Variants in ATP10B observed in about 807,000 individuals in gnomAD.
The protein encoded by ATP10B is phospholipid-transporting ATPase VB.
In ATP10B, 122 loss-of-function variants were observed where a neutral mutation model predicts 141.2. The observed-to-expected ratio is 0.86, with a 90% confidence interval of 0.75 to 1.00. ATP10B has a LOEUF of 1.00. Ranked by LOEUF, ATP10B falls within the 50% of genes least tolerant of loss-of-function variation. The probability of loss-of-function intolerance (pLI) is 0.00; values close to 1 mark genes in which losing one functional copy is unlikely to be tolerated. For synonymous variants in ATP10B, 685 were observed against 692.0 expected, an observed-to-expected ratio of 0.99 and a Z score of 0.16; for missense variants, 1,876 against 1,825.3, an observed-to-expected ratio of 1.03 and a Z score of -0.51.
intron 7 of ATP10B, among the ~76,000 whole-genome samples, chr5:160,664,148 T>C (rs1762166037): frequency 6.6e-6 from 1 of 152,178 alleles, no homozygotes; most frequent in South Asian, 2.1e-4. Context: ...TAAGTTTCAT[T>C]CTTAAATGAA....
At chr5:160,733,045 T>C (rs747924621) in intron 2 of ATP10B, among the ~76,000 whole-genome samples, 2 of 152,172 alleles carry the variant, frequency 1.3e-5, no homozygotes, top group Non-Finnish European at 2.9e-5. Flanking sequence ...TTGCTTTGGG[T>C]ATTATGGATA....
intron 7 of ATP10B, among the ~76,000 whole-genome samples, chr5:160,660,913 G>A (rs1761865953): frequency 6.6e-6 from 1 of 152,228 alleles, no homozygotes; most frequent in African/African-American, 2.4e-5. Context: ...GGGGCTGGGT[G>A]CAGTGGCTCA....
chr5:160,794,405 A>T (rs879925165), intron 1 of ATP10B, among the ~76,000 whole-genome samples: 3 of 152,178 alleles, frequency 2.0e-5, no homozygotes, highest in Non-Finnish European at 4.4e-5. Context: ...TTTTCTTAGA[A>T]TTGCATTCCT....
intron 24 of ATP10B, among the ~76,000 whole-genome samples, chr5:160,584,680 A>G (rs1345871183): frequency 6.6e-6 from 1 of 152,184 alleles, no homozygotes; most frequent in Admixed American, 6.5e-5. Context: ...TAAATTACCT[A>G]CCTATTGAAT....
At chr5:160,772,491 C>T (rs981472060) in intron 2 of ATP10B, among the ~76,000 whole-genome samples, 2 of 152,138 alleles carry the variant, frequency 1.3e-5, no homozygotes, top group Non-Finnish European at 2.9e-5. Flanking sequence ...GCATCAGGTA[C>T]CAGTTCTGTG....
intron 21 of ATP10B, among the ~76,000 whole-genome samples, chr5:160,600,980 C>T (rs574908696): frequency 4.3e-4 from 65 of 152,178 alleles, no homozygotes; most frequent in African/African-American, 1.3e-3. Flanking sequence ...TGCTTGGAAA[C>T]GTTTTCTTTC....
intron 1 of ATP10B, among the ~76,000 whole-genome samples, chr5:160,847,266 T>C (rs985827070): frequency 1.6e-4 from 25 of 152,210 alleles, no homozygotes; most frequent in African/African-American, 6.0e-4. Context: ...TGGGATTCTA[T>C]AATAGTCAGT....
intron 8 of ATP10B, among the ~76,000 whole-genome samples, chr5:160,646,500 AAAGT>A (rs1228367192): frequency 2.0e-5 from 3 of 152,206 alleles, no homozygotes; most frequent in Non-Finnish European, 4.4e-5. Context: ...AATTTTGGAA[AAAGT>A]AAGGTAATTA....
rs528759757 is a variant in ATP10B at position 160,721,570 on chromosome 5, G to A, written c.-330-4536C>T. Among the ~76,000 whole-genome samples the A allele has an allele frequency of 1.4e-4, 21 of 152,294 alleles. No individual in the cohort carries two copies. The South Asian group carries it at 4.4e-3, about 32-fold the overall frequency. ...TCAGATGACTGGGAGACTGATGAGA[G>A]GAAAATGTGAGAGGCAGGTGGAAAA... On this transcript the variant is annotated intron_variant, in intron 2 of 25. Transcript: ENST00000327245.
Position 160,620,591 on chromosome 5 carries a change from C to T in ATP10B, c.2172G>A (p.Glu724=), listed in dbSNP as rs1455538574. 2 of 1,613,782 alleles carry T rather than the reference C, an allele frequency of 1.2e-6. No homozygotes were observed. ...EFCYEAESPD[E]AALVHAAHAY... ...CATGGGCAGCGTGCACCAGGGCGGC[C>T]TCATCAGGGCTCTCAGCCTCGTAAC... Residue 724 remains glutamate, a synonymous_variant, in exon 15 of 26, where the codon GAG becomes GAA. Coordinates refer to ENST00000327245, the MANE Select transcript of ATP10B (RefSeq NM_025153.3).
chr5:160,798,297 A>G (rs1581552501), intron 1 of ATP10B, among the ~76,000 whole-genome samples: 1 of 152,234 alleles, frequency 6.6e-6, no homozygotes, highest in Admixed American at 6.5e-5. Flanking sequence ...CCTAAAATTC[A>G]AGTCCACCTG....
chr5:160,697,163 T>A (rs1200212536), intron 3 of ATP10B, among the ~76,000 whole-genome samples: 7 of 152,216 alleles, frequency 4.6e-5, no homozygotes, highest in Non-Finnish European at 8.8e-5. Flanking sequence ...ATTATTAAAT[T>A]GATGACATTT....
chr5:160,923,816 T>G, the ATP10B span, among the ~76,000 whole-genome samples: 1 of 152,204 alleles, frequency 6.6e-6, no homozygotes, highest in African/African-American at 2.4e-5. Flanking sequence ...GCACTGAAAC[T>G]ATACTTTAAG....
intron 2 of ATP10B, among the ~76,000 whole-genome samples, chr5:160,724,214 C>G (rs1766178953): frequency 6.6e-6 from 1 of 150,622 alleles, no homozygotes; most frequent in Admixed American, 6.6e-5. Flanking sequence ...GTACCATGAA[C>G]CCCCATGACA....
rs115763623 is a variant in ATP10B at position 160,632,705 on chromosome 5, A to C, written c.1382-338T>G. 1,235 of 199,080 alleles carry C rather than the reference A, an allele frequency of 6.2e-3. 12 individuals are homozygous for C. Among genetic ancestry groups the C allele is most frequent in the African/African-American group, 0.027 (1,140 of 42,546 alleles). The allele number at this position is 199,080 out of a possible 1,614,324, so 12.3% of individuals were successfully genotyped here. ...GATACAATGTGTTAAAATAACTAGCATACTCTAAGTACTGGTAATGTGGCT... is the reference window on the plus strand; with the variant it reads ...GATACAATGTGTTAAAATAACTAGCCTACTCTAAGTACTGGTAATGTGGCT... On this transcript the variant is annotated intron_variant, in intron 12 of 25. Transcript: ENST00000327245.
intron 22 of ATP10B, among the ~76,000 whole-genome samples, chr5:160,593,125 G>GTGACCCC (rs1256420521): frequency 3.9e-5 from 6 of 152,144 alleles, no homozygotes; most frequent in African/African-American, 1.4e-4. Context: ...AAGTGGGTCC[G>GTGACCCC]TGACCCCTGA....
chr5:160,894,710 A>G, the ATP10B span, among the ~76,000 whole-genome samples: 2 of 152,210 alleles, frequency 1.3e-5, no homozygotes, highest in African/African-American at 4.8e-5. Context: ...GAACACCACA[A>G]AGATATTCCT....
In ATP10B at chr5:160,565,904, G is replaced by A. The variant is rs1160881080; in HGVS notation, c.3939-4C>T. 3 of 1,601,100 alleles carry A rather than the reference G, an allele frequency of 1.9e-6. No individual in the cohort carries two copies. The highest frequency in any genetic ancestry group is 2.2e-5 in the South Asian group (2 of 88,996). On this transcript the variant is annotated splice_polypyrimidine_tract_variant and splice_region_variant and intron_variant, in intron 25 of 25. Coordinates refer to ENST00000327245, the MANE Select transcript of ATP10B (RefSeq NM_025153.3). ...TTGCAGAGACAGGAAAAAGTATCTGGTGGGAAACAACAGAATAAAGATATT... is the reference window on the plus strand; with the variant it reads ...TTGCAGAGACAGGAAAAAGTATCTGATGGGAAACAACAGAATAAAGATATT...
chr5:160,795,987 G>A (rs984066111), intron 1 of ATP10B, among the ~76,000 whole-genome samples: 1 of 152,158 alleles, frequency 6.6e-6, no homozygotes, highest in South Asian at 2.1e-4. Context: ...TACTACAGGT[G>A]TGACTGGGGG....
Sources: gnomAD v4.1 joint callset for allele counts (sites outside exome capture counted in the v4.1 genomes callset) on GRCh38, gnomAD v4.1.1 for gene constraint, MANE v1.5 for transcripts, NCBI Gene and HGNC (gene_info 2026-07-23, HGNC 2026-07-21) for gene names.